The following TSC22D1 variants were observed in gnomAD, a reference collection of about 807,000 sequenced individuals.
The protein encoded by TSC22D1 is TSC22 domain family protein 1.
In TSC22D1, 9 loss-of-function variants were observed where a neutral mutation model predicts 74.2. The observed-to-expected ratio is 0.12, with a 90% CI of 0.07 to 0.21. The LOEUF (loss-of-function observed/expected upper bound fraction) is 0.21, where lower values mean the gene tolerates loss of function less well. Among genes scored for constraint, TSC22D1 ranks in the 10% least tolerant of loss-of-function variants. TSC22D1 has a pLI of 1.00. For synonymous variants in TSC22D1, 586 were observed against 492.5 expected (o/e 1.19, Z -2.51); for missense variants, 1,427 against 1,304.7 (o/e 1.09, Z -1.44).
intron 1 of TSC22D1, among the ~76,000 whole-genome samples, chr13:44,505,205 G>C (rs1213686340): frequency 6.6e-6 from 1 of 152,184 alleles, no homozygotes; most frequent in Admixed American, 6.5e-5. Context: ...AAGGCAGGAG[G>C]ATCACTTGAA....
In TSC22D1 at chr13:44,574,909, G is replaced by A. The variant is rs1439984192; in HGVS notation, c.1166C>T (p.Thr389Ile). 7 of 1,614,076 alleles carry A rather than the reference G, an allele frequency of 4.3e-6. No individual in the cohort carries two copies. The highest frequency in any genetic ancestry group is 1.7e-5 in the Admixed American group (1 of 60,014). The change falls in exon 1 of 3, where the codon ACT (threonine) becomes ATT (isoleucine). Residue 389 changes from threonine to isoleucine, a missense_variant. Around this residue, in one of 3 missense-constraint regions of TSC22D1, gnomAD observed 1,343 missense variants for 1,191.5 expected, o/e 1.13. Coordinates refer to ENST00000458659, the MANE Select transcript of TSC22D1 (RefSeq NM_183422.4). ...SSVPNAAAGM[T>I]GGSVSSQQQQ... ...CTGCTGACTTGAAACCGATCCCCCAGTCATCCCTGCAGCTGCATTAGGAAC... is the reference window on the plus strand; with the variant it reads ...CTGCTGACTTGAAACCGATCCCCCAATCATCCCTGCAGCTGCATTAGGAAC...
chr13:44,569,612 T>C (rs981735309), intron 1 of TSC22D1, among the ~76,000 whole-genome samples: 1 of 152,258 alleles, frequency 6.6e-6, no homozygotes, highest in Non-Finnish European at 1.5e-5. Context: ...ACTCCTATTT[T>C]ATAGGTAACA....
chr13:44,573,625 T>G lies in TSC22D1; in HGVS notation c.2450A>C (p.Gln817Pro). The change falls in exon 1 of 3, where the codon CAG (glutamine) becomes CCG (proline). Residue 817 changes from glutamine to proline, a missense_variant. Physicochemically the swap from Gln to Pro is moderately conservative, Grantham distance 76. Transcript: ENST00000458659. ...EPVAQGIVSQQLPAVSSLPSA... is the reference protein window; with the variant it reads ...EPVAQGIVSQPLPAVSSLPSA... ...GGGCAAAGAACTAACTGCAGGCAACTGCTGTGAAACAATTCCTTGAGCTAC... is the reference window on the plus strand; with the variant it reads ...GGGCAAAGAACTAACTGCAGGCAACGGCTGTGAAACAATTCCTTGAGCTAC... 4.3e-6 allele frequency: 7 copies of G among 1,614,268 alleles called. No individual in the cohort carries two copies. The highest frequency in any genetic ancestry group is 5.9e-6 in the Non-Finnish European group (7 of 1,180,056).
intron 1 of TSC22D1, among the ~76,000 whole-genome samples, chr13:44,444,943 C>T (rs916662091): frequency 1.3e-5 from 2 of 152,022 alleles, no homozygotes; most frequent in Admixed American, 1.3e-4. Flanking sequence ...ATAAAGAAAA[C>T]CTCAAGCTCA....
At chr13:44,542,921 A>G (rs1018941583) in intron 1 of TSC22D1, among the ~76,000 whole-genome samples, 2 of 152,146 alleles carry the variant, frequency 1.3e-5, no homozygotes, top group African/African-American at 4.8e-5. Context: ...CTTCTATGTG[A>G]TATTTTAAGA....
chr13:44,455,558 C>T (rs569336899), intron 1 of TSC22D1, among the ~76,000 whole-genome samples: 4 of 152,308 alleles, frequency 2.6e-5, no homozygotes, highest in South Asian at 4.1e-4. Flanking sequence ...TTTTGGGATG[C>T]TTTTCACTTT....
Position 44,433,783 on chromosome 13 carries a change from AAAGT to A in TSC22D1, c.*839_*842del. 1 of 528,910 alleles carries A rather than the reference AAAGT, an allele frequency of 1.9e-6. No homozygotes were observed. The allele number at this position is 528,910 out of a possible 1,614,324, so 32.8% of individuals were successfully genotyped here. On this transcript the variant is annotated 3_prime_UTR_variant, in exon 3 of 3. Coordinates refer to ENST00000458659, the MANE Select transcript of TSC22D1 (RefSeq NM_183422.4). ...TCAGCAGCTAGATTTCAGATTACAC[AAAGT>A]GAGTAACTGTGCCAAATTCTTAAAA...
intron 1 of TSC22D1, among the ~76,000 whole-genome samples, chr13:44,564,374 GA>G (rs1171376003): frequency 3.3e-5 from 5 of 152,022 alleles, no homozygotes; most frequent in Non-Finnish European, 7.4e-5. Context: ...CATTATAAAA[GA>G]AAAGAACAAG....
chr13:44,455,377 ATCTC>A (rs1280630466), intron 1 of TSC22D1, among the ~76,000 whole-genome samples: 1 of 152,012 alleles, frequency 6.6e-6, no homozygotes, highest in Non-Finnish European at 1.5e-5. Flanking sequence ...GATACAAGAG[ATCTC>A]TCTCACTTTT....
intron 1 of TSC22D1, among the ~76,000 whole-genome samples, chr13:44,520,171 T>C (rs1218697438): frequency 2.0e-5 from 3 of 152,138 alleles, no homozygotes; most frequent in Non-Finnish European, 4.4e-5. Flanking sequence ...AATTGACACA[T>C]GATAACCAAG....
intron 1 of TSC22D1, among the ~76,000 whole-genome samples, chr13:44,551,310 G>GGGGTGTGTGTGTGT (rs1555272439): frequency 1.1e-4 from 14 of 132,776 alleles, no homozygotes; most frequent in African/African-American, 3.8e-4. Context: ...ATCAGCTGGG[G>GGGGTGTGTGTGTGT]GTGTGTGTGT....
intron 1 of TSC22D1, among the ~76,000 whole-genome samples, chr13:44,487,086 A>C (rs1241590682): frequency 6.6e-6 from 1 of 152,198 alleles, no homozygotes; most frequent in African/African-American, 2.4e-5. Context: ...ACAGAAGATG[A>C]AACTCTTGTA....
chr13:44,435,943 AATC>A (rs1874574664), intron 2 of TSC22D1, 98 bp downstream of exon 2: 4 of 1,195,626 alleles, frequency 3.3e-6, no homozygotes, highest in Admixed American at 1.9e-5. Context: ...CATCAAGAGC[AATC>A]ATCATCATCT....
chr13:44,447,545 T>C (rs983523022), intron 1 of TSC22D1, among the ~76,000 whole-genome samples: 4 of 152,206 alleles, frequency 2.6e-5, no homozygotes, highest in Non-Finnish European at 5.9e-5. Flanking sequence ...TTAAAAGATT[T>C]GTAAAAATTA....
intron 1 of TSC22D1, among the ~76,000 whole-genome samples, chr13:44,483,393 G>A (rs184565879): frequency 6.6e-6 from 1 of 152,308 alleles, no homozygotes; most frequent in Admixed American, 6.5e-5. Flanking sequence ...CGGGTGCGGT[G>A]GCTCAAGCCT....
At chr13:44,486,231 C>T (rs1595111000) in intron 1 of TSC22D1, among the ~76,000 whole-genome samples, 1 of 151,920 alleles carries the variant, frequency 6.6e-6, no homozygotes, top group African/African-American at 2.4e-5. Context: ...AAACAATCCA[C>T]TATATGATAT....
intron 1 of TSC22D1, among the ~76,000 whole-genome samples, chr13:44,460,640 AG>A (rs1385764199): frequency 6.6e-6 from 1 of 152,174 alleles, no homozygotes; most frequent in Admixed American, 6.5e-5. Context: ...ACTGTCCTCT[AG>A]GAAAAGCTAT....
chr13:44,446,491 G>GC (rs1875653495), intron 1 of TSC22D1, among the ~76,000 whole-genome samples: 1 of 152,100 alleles, frequency 6.6e-6, no homozygotes, highest in Non-Finnish European at 1.5e-5. Context: ...CTCCAGAAGT[G>GC]GGGAGGGAGG....
At chr13:44,436,392 T>C in intron 1 of TSC22D1, 1 of 1,342,786 alleles carries the variant, frequency 7.4e-7, no homozygotes, top group Non-Finnish European at 1.0e-6. Flanking sequence ...AACATCCATG[T>C]CACCATAATC....
Sources: allele counts gnomAD v4.1 joint callset (sites outside exome capture counted in the v4.1 genomes callset), GRCh38; gene constraint gnomAD v4.1.1; regional missense constraint gnomAD v4.1.1; transcripts MANE v1.5; gene names NCBI Gene and HGNC (gene_info 2026-07-23, HGNC 2026-07-21).